ACOT1: variants seen among roughly 807,000 people sequenced by gnomAD.
The protein encoded by ACOT1 is acyl-CoA thioesterase 1, also known as acyl-coenzyme A thioesterase 1.
A neutral mutation model predicts 15.7 loss-of-function variants in ACOT1; 8 were observed. The observed-to-expected ratio is 0.51, with a 90% CI of 0.30 to 0.92. The LOEUF is 0.92. ACOT1 is among the 40% of genes least tolerant of loss of function. The probability of loss-of-function intolerance (pLI) is 0.06; values close to 1 mark genes in which losing one functional copy is unlikely to be tolerated. For synonymous variants in ACOT1, 67 were observed against 241.2 expected, an observed-to-expected ratio of 0.28 and a Z score of 6.69; for missense variants, 151 against 539.4, an observed-to-expected ratio of 0.28 and a Z score of 7.13.
At chr14:73,508,155 C>T in the ACOT1 span, 1 of 1,614,104 alleles carries the variant, frequency 6.2e-7, no homozygotes, top group Non-Finnish European at 8.5e-7. Flanking sequence ...TCAGATAGCT[C>T]AGGAGGATAT....
chr14:73,522,818 CG>C, the ACOT1 span: 1 of 1,614,126 alleles, frequency 6.2e-7, no homozygotes, highest in Non-Finnish European at 8.5e-7. Context: ...TTTCTGAGGC[CG>C]GGCCTTCCTG....
chr14:73,514,327 CTA>C, the ACOT1 span: 1 of 1,161,480 alleles, frequency 8.6e-7, no homozygotes. Flanking sequence ...CTATTCCTGA[CTA>C]ATACCAAAGC....
Position 73,541,556 on chromosome 14 carries a change from G to C in ACOT1, c.521G>C (p.Arg174Pro). The C allele has an allele frequency of 1.6e-6, 2 of 1,244,310 alleles. 1 individual carries two copies. Among genetic ancestry groups the C allele is most frequent in the Non-Finnish European group, 2.1e-6 (2 of 936,464 alleles). The allele number at this position is 1,244,310 out of a possible 1,614,324, so 77.1% of individuals were successfully genotyped here. Residue 174 changes from arginine to proline, a missense_variant, in exon 2 of 3, where the codon CGG becomes CCG. Arg to Pro is a moderately radical substitution (Grantham distance 103). Coordinates refer to ENST00000311148, the MANE Select transcript of ACOT1 (RefSeq NM_001037161.2). ...ACTGGAGGTGGCCTGCTGGAGTATC[G>C]GGCTAGTCTGCTGGCTGGGAAGGGT... ...FGTGGGLLEY[R>P]ASLLAGKGFA... is the part of the protein sequence containing the mutation.
the ACOT1 span, chr14:73,498,381 G>A: frequency 1.3e-6 from 2 of 1,525,522 alleles, no homozygotes; most frequent in Non-Finnish European, 1.8e-6. Flanking sequence ...ACTGAAGACT[G>A]AGCTTACTAT....
At chr14:73,525,174 T>C in the ACOT1 span, among the ~76,000 whole-genome samples, 1 of 152,056 alleles carries the variant, frequency 6.6e-6, no homozygotes, top group African/African-American at 2.4e-5. Flanking sequence ...GGACTACAGG[T>C]GCATGCGCCA....
At chr14:73,515,145 C>T in the ACOT1 span, among the ~76,000 whole-genome samples, 1 of 151,528 alleles carries the variant, frequency 6.6e-6, no homozygotes, top group African/African-American at 2.4e-5. Flanking sequence ...ATTTAGAAAG[C>T]CTCTTTCTCA....
chr14:73,524,293 C>CAAAAAAAAAAAA, the ACOT1 span, among the ~76,000 whole-genome samples: 2 of 56,656 alleles, frequency 3.5e-5, no homozygotes, highest in Non-Finnish European at 5.9e-5. Context: ...AACTCCGTCT[C>CAAAAAAAAAAAA]AAAAAAAAAA....
At chr14:73,528,620 G>A in the ACOT1 span, among the ~76,000 whole-genome samples, 2 of 152,080 alleles carry the variant, frequency 1.3e-5, no homozygotes, top group African/African-American at 2.4e-5. Flanking sequence ...GTTACCTTGG[G>A]CAAATAATTT....
At position 73,538,648 on chromosome 14, in the gene ACOT1, G is replaced by A. The variant is rs1423198014; in HGVS notation, c.457+770G>A. Reference sequence around the variant, plus strand: ...AAAAAAAAGGCATTGTAAGGAAAGAGAAAAGACACATAATATTAAAAACAA... The same window carrying A: ...AAAAAAAAGGCATTGTAAGGAAAGAAAAAAGACACATAATATTAAAAACAA... On this transcript the variant is annotated intron_variant, in intron 1 of 2. Coordinates refer to ENST00000311148, the MANE Select transcript of ACOT1 (RefSeq NM_001037161.2). 1.7e-3 allele frequency among the ~76,000 whole-genome samples: 183 copies of A among 104,650 alleles called. 41 individuals carry two copies. The highest frequency in any genetic ancestry group is 5.5e-3 in the African/African-American group (177 of 32,072). 68.7% of individuals were successfully genotyped at this position (104,650 alleles called of 152,430 possible). A position where few individuals can be genotyped will look rare whatever the true frequency, so the allele number is the denominator to read the frequency against.
chr14:73,520,768 C>T, the ACOT1 span: 1 of 1,310,786 alleles, frequency 7.6e-7, no homozygotes, highest in East Asian at 2.3e-5. Context: ...TCCATACCCA[C>T]AACTGTTTCC....
At chr14:73,510,033 T>C in the ACOT1 span, among the ~76,000 whole-genome samples, 1 of 149,802 alleles carries the variant, frequency 6.7e-6, no homozygotes, top group African/African-American at 2.5e-5. Context: ...AGCTAATTTT[T>C]AGTATTCTTA....
chr14:73,511,055 G>A, the ACOT1 span, among the ~76,000 whole-genome samples: 1 of 152,116 alleles, frequency 6.6e-6, no homozygotes, highest in Non-Finnish European at 1.5e-5. Context: ...AGGTGTTTAG[G>A]GGAACAGGTG....
At chr14:73,504,404 G>A in the ACOT1 span, among the ~76,000 whole-genome samples, 3 of 151,994 alleles carry the variant, frequency 2.0e-5, no homozygotes, top group African/African-American at 4.8e-5. Flanking sequence ...CACCACACCC[G>A]CCTAATTTTT....
At chr14:73,499,385 TAGG>T in the ACOT1 span, among the ~76,000 whole-genome samples, 1 of 151,890 alleles carries the variant, frequency 6.6e-6, no homozygotes, top group East Asian at 1.9e-4. Flanking sequence ...GAGGCTGAGG[TAGG>T]AGAATTGCTT....
the ACOT1 span, among the ~76,000 whole-genome samples, chr14:73,511,445 G>A: frequency 6.6e-6 from 1 of 151,854 alleles, no homozygotes; most frequent in South Asian, 2.1e-4. Flanking sequence ...CTTGAACCTG[G>A]GAGGTGGAGG....
chr14:73,526,766 G>A, the ACOT1 span, among the ~76,000 whole-genome samples: 1 of 152,292 alleles, frequency 6.6e-6, no homozygotes, highest in South Asian at 2.1e-4. Context: ...AGTGCCCTTG[G>A]GCTTTGAGTA....
the ACOT1 span, chr14:73,492,493 T>C: frequency 5.6e-6 from 9 of 1,613,582 alleles, no homozygotes; most frequent in African/African-American, 9.3e-5. The surrounding 1 kb of genome is among the most constrained non-coding windows in gnomAD (Gnocchi z 4.9). Context: ...GACACTTTGC[T>C]CCTGTTGATG....
At chr14:73,492,419 G>C in the ACOT1 span, 1 of 1,613,772 alleles carries the variant, frequency 6.2e-7, no homozygotes, top group South Asian at 1.1e-5. This position sits in a 1 kb window ranked among gnomAD's most constrained non-coding sequence, Gnocchi z 4.9. Context: ...CCAGCATTCA[G>C]ATTCTAAGGA....
rs1282447088 is a variant in ACOT1, at chr14:73,541,918, C to T, written c.660+223C>T. Among the ~76,000 whole-genome samples the T allele has an allele frequency of 6.2e-5, 7 of 112,740 alleles. 2 individuals carry two copies. Among genetic ancestry groups the T allele is most frequent in the African/African-American group, 1.8e-4 (6 of 33,744 alleles). 74.0% of individuals were successfully genotyped at this position (112,740 alleles called of 152,430 possible). ...GTTGCCAGGCTGGAGTCCAGTGGTG[C>T]GATCTTGGCTCACTGCAACCTCCAC... On this transcript the variant is annotated intron_variant, in intron 2 of 2. Coordinates refer to ENST00000311148, the MANE Select transcript of ACOT1 (RefSeq NM_001037161.2).
Sources: gnomAD v4.1 joint callset for allele counts (sites outside exome capture counted in the v4.1 genomes callset) on GRCh38, gnomAD v4.1.1 for gene constraint, Gnocchi (gnomAD v3.1) non-coding constraint, MANE v1.5 for transcripts, NCBI Gene and HGNC (gene_info 2026-07-23, HGNC 2026-07-21) for gene names.